The following FSIP2 variants were observed in gnomAD, a reference collection of about 807,000 sequenced individuals.
The protein encoded by FSIP2 is fibrous sheath interacting protein 2, also known as fibrous sheath-interacting protein 2.
FSIP2 carries 367 observed loss-of-function variants against 510.5 expected under a neutral mutation model. The observed-to-expected ratio is 0.72, with a 90% CI of 0.66 to 0.78. The LOEUF is 0.78. Among genes scored for constraint, FSIP2 ranks in the 30% least tolerant of loss-of-function variants. FSIP2 has a pLI of 0.00. For missense variants in FSIP2, 7,594 were observed against 7,901.7 expected, an observed-to-expected ratio of 0.96 and a Z score of 1.48; for synonymous variants, 2,601 against 2,732.2, an observed-to-expected ratio of 0.95 and a Z score of 1.50.
At position 185,801,232 on chromosome 2, in the gene FSIP2, T is replaced by A; in HGVS notation, c.11926T>A (p.Leu3976Met). 1 of 1,534,260 alleles carries A rather than the reference T, an allele frequency of 6.5e-7. No individual in the cohort carries two copies. The highest frequency in any genetic ancestry group is 8.7e-7 in the Non-Finnish European group (1 of 1,145,582). Residue 3976 changes from leucine (L) to methionine (M), a missense_variant, in exon 17 of 23, where the codon TTG becomes ATG. Physicochemically the swap from Leu to Met is conservative, Grantham distance 15 (BLOSUM62 2). Coordinates refer to ENST00000424728, the MANE Select transcript of FSIP2 (RefSeq NM_173651.4). ...IYAGVYSATF[L>M]EGIISELFFN... ...TGCTGGTGTTTATTCAGCCACATTT[T>A]TGGAAGGAATAATTTCAGAATTGTT...
Position 185,818,743 on chromosome 2 carries a change from C to T in FSIP2, c.20426+3272C>T, listed in dbSNP as rs193181085. On this transcript the variant is annotated intron_variant, in intron 19 of 22. Transcript: ENST00000424728. The stretch of plus-strand genomic sequence containing the variant: ...CAAAAAATGTTCTTCAAAAATGAGG[C>T]GAAATTAAGACATTCCAAGACAAGG... 7.9e-3 allele frequency among the ~76,000 whole-genome samples: 1,203 copies of T among 151,674 alleles called. 8 individuals carry two copies. The highest frequency in any genetic ancestry group is 0.012 in the Non-Finnish European group (820 of 67,794).
In FSIP2 at chr2:185,808,204, C is replaced by T. The variant is rs886287312; in HGVS notation, c.18898C>T (p.Pro6300Ser). Residue 6300 changes from proline (P) to serine (S), a missense_variant, in exon 17 of 23, where the codon CCT (proline) becomes TCT (serine). By Grantham distance (74) the Pro-to-Ser change is moderately conservative. Transcript: ENST00000424728. ...VNAISNSEFQ[P>S]QVEEEVSNSE... is the part of the protein sequence containing the mutation. ...TGCAATTTCGAATTCTGAATTTCAA[C>T]CTCAAGTAGAGGAAGAAGTATCAAA... 9 of 1,611,332 alleles carry T rather than the reference C, an allele frequency of 5.6e-6. No homozygotes were observed. In the African/African-American group the frequency reaches 6.7e-5, roughly 12 times the overall value.
In FSIP2 at chr2:185,795,905, G is replaced by C; in HGVS notation, c.8769G>C (p.Met2923Ile). 2 of 1,533,702 alleles carry C rather than the reference G, an allele frequency of 1.3e-6. No individual in the cohort carries two copies. The highest frequency in any genetic ancestry group is 1.7e-6 in the Non-Finnish European group (2 of 1,145,600). Residue 2923 changes from methionine (M) to isoleucine (I), a missense_variant, in exon 16 of 23, where the codon ATG (methionine) becomes ATC (isoleucine). Physicochemically the swap from Met to Ile is conservative, Grantham distance 10. Transcript: ENST00000424728. ...TGTTTGGAAGGGAAATTGTTGAAAT[G>C]CTACTTGAAAAACTACAGCTATGCT... Reference protein sequence around the residue: ...INMFGREIVEMLLEKLQLCFL... With the variant: ...INMFGREIVEILLEKLQLCFL...
chr2:185,803,433 T>C lies in FSIP2; in HGVS notation c.14127T>C (p.Tyr4709=), dbSNP rs1361293221. Residue 4709 remains tyrosine, a synonymous_variant, in exon 17 of 23, where the codon TAT becomes TAC. Coordinates refer to ENST00000424728, the MANE Select transcript of FSIP2 (RefSeq NM_173651.4). The stretch of plus-strand genomic sequence containing the variant: ...TGTACAGCAAAGTTTTGCAAGAATA[T>C]GAAATGGAAGTCGTGCCCAATAAAG... ...DMVYSKVLQE[Y]EMEVVPNKDF... is the part of the protein sequence containing the mutation. The C allele has an allele frequency of 6.5e-7, 1 of 1,530,920 alleles. No individual in the cohort carries two copies. Among genetic ancestry groups the C allele is most frequent in the African/African-American group, 1.4e-5 (1 of 72,684 alleles). 94.8% of individuals were successfully genotyped at this position (1,530,920 alleles called of 1,614,324 possible).
At chr2:185,738,676 T>G (rs1691837485), upstream of FSIP2, 2 of 1,536,080 alleles carry the variant, frequency 1.3e-6, no homozygotes, top group Non-Finnish European at 1.7e-6. Flanking sequence ...CGGACCGATT[T>G]TCCCAGCTCT....
chr2:185,810,537 CTTTTTTTTTT>C lies in FSIP2; in HGVS notation c.19827+1421_19827+1430del, dbSNP rs11298474. On this transcript the variant is annotated intron_variant, in intron 17 of 22. Coordinates refer to ENST00000424728, the MANE Select transcript of FSIP2 (RefSeq NM_173651.4). ...GCAGAACCATGAGCCAGTTAAACCT[CTTTTTTTTTT>C]TTTTTTTTTTTTTTTTATAAATTAC... Among the ~76,000 whole-genome samples the C allele has an allele frequency of 1.5e-3, 164 of 107,028 alleles. No individual in the cohort carries two copies. The South Asian group carries it at 0.027, about 17-fold the overall frequency. The allele number at this position is 107,028 out of a possible 152,430, so 70.2% of individuals were successfully genotyped here. A position where few individuals can be genotyped will look rare whatever the true frequency, so the allele number is the denominator to read the frequency against.
At chr2:185,781,058 G>T (rs67357803) in intron 13 of FSIP2, among the ~76,000 whole-genome samples, 14,643 of 110,262 alleles carry the variant, frequency 0.13, 763 homozygotes, top group Middle Eastern at 0.16. Context: ...TCTGTGGCAT[G>T]ATTTTTTTTT....
chr2:185,763,147 G>C, intron 11 of FSIP2, 36 bp from the exon 12 acceptor site: 1 of 899,714 alleles, frequency 1.1e-6, no homozygotes, highest in Non-Finnish European at 1.8e-6. Flanking sequence ...AGCAATATCA[G>C]CTTCTCATAT....
chr2:185,819,152 G>T (rs538489999), intron 19 of FSIP2, among the ~76,000 whole-genome samples: 2 of 151,760 alleles, frequency 1.3e-5, no homozygotes, highest in African/African-American at 2.4e-5. Flanking sequence ...AAAAATTAGA[G>T]TCACATAATC....
intron 19 of FSIP2, among the ~76,000 whole-genome samples, chr2:185,822,558 A>G (rs1693942977): frequency 6.6e-6 from 1 of 151,970 alleles, no homozygotes; most frequent in African/African-American, 2.4e-5. Flanking sequence ...AAGAAATTAA[A>G]GAGAATGCAA....
rs116833933 is a variant in FSIP2, at chr2:185,751,439, C to T, written c.871-2283C>T. Among the ~76,000 whole-genome samples, 878 of 143,048 alleles carry T rather than the reference C, an allele frequency of 6.1e-3. 7 individuals are homozygous for T. The highest frequency in any genetic ancestry group is 0.022 in the African/African-American group (835 of 38,602). 93.8% of individuals were successfully genotyped at this position (143,048 alleles called of 152,430 possible). ...ATTTTCTTGTGTTTTACTTTTAAGA[C>T]CAAATTTGGGTCTTTATTTTTCTGT... On this transcript the variant is annotated intron_variant, in intron 7 of 22. Transcript: ENST00000424728.
Position 185,804,646 on chromosome 2 carries a change from C to T in FSIP2, c.15340C>T (p.Pro5114Ser). Residue 5114 changes from proline to serine, a missense_variant, in exon 17 of 23, where the codon CCT becomes TCT. By Grantham distance (74) the Pro-to-Ser change is moderately conservative. Transcript: ENST00000424728. ...CTTGCCACCATATATTACTGTGTTG[C>T]CTCATTCTCTTTTAGAAGATATGGT... ...HALPPYITVL[P>S]HSLLEDMVYR... 6.5e-7 allele frequency: 1 copy of T among 1,533,034 alleles called. No individual in the cohort carries two copies. Among genetic ancestry groups the T allele is most frequent in the Non-Finnish European group, 8.7e-7 (1 of 1,144,784 alleles). The allele number at this position is 1,533,034 out of a possible 1,614,324, so 95.0% of individuals were successfully genotyped here.
intron 13 of FSIP2, 46 bp downstream of exon 13, chr2:185,764,611 T>C (rs1692425871): frequency 1.6e-6 from 2 of 1,252,932 alleles, no homozygotes; most frequent in Admixed American, 4.1e-5. Context: ...ATTCTATTTA[T>C]TCTTTCAACT....
At position 185,761,956 on chromosome 2, in the gene FSIP2, A is replaced by G. The variant is rs1292388660; in HGVS notation, c.1195-16A>G. 13 of 1,427,930 alleles carry G rather than the reference A, an allele frequency of 9.1e-6. No homozygotes were observed. Among genetic ancestry groups the G allele is most frequent in the Non-Finnish European group, 1.1e-5 (12 of 1,057,356 alleles). 88.5% of individuals were successfully genotyped at this position (1,427,930 alleles called of 1,614,324 possible). A position where few individuals can be genotyped will look rare whatever the true frequency, so the allele number is the denominator to read the frequency against. ...TTACTAATGTAATTTTTTCTCTTCA[A>G]TGTGGTACCATGTAGAGAGATGGGA... On this transcript the variant is annotated splice_polypyrimidine_tract_variant and intron_variant, in intron 10 of 22. Coordinates refer to ENST00000424728, the MANE Select transcript of FSIP2 (RefSeq NM_173651.4).
chr2:185,829,795 G>T (rs1266683511), intron 21 of FSIP2, among the ~76,000 whole-genome samples: 1 of 151,910 alleles, frequency 6.6e-6, no homozygotes, highest in Admixed American at 6.6e-5. Flanking sequence ...ACATAAACTA[G>T]AAACAGCACA....
Position 185,790,744 on chromosome 2 carries a change from A to G in FSIP2, c.3608A>G (p.His1203Arg). 6.5e-7 allele frequency: 1 copy of G among 1,532,782 alleles called. No homozygotes were observed. Among genetic ancestry groups the G allele is most frequent in the South Asian group, 1.2e-5 (1 of 83,910 alleles). The allele number at this position is 1,532,782 out of a possible 1,614,324, so 94.9% of individuals were successfully genotyped here. ...TCATCAGTTCATCAGATTTCCTTAC[A>G]TAATTCTGACACTGAACACATAGTC... ...ISSSVHQISL[H>R]NSDTEHIVKE... The change falls in exon 16 of 23, where the codon CAT becomes CGT. Residue 1203 changes from histidine (H) to arginine (R), a missense_variant. Coordinates refer to ENST00000424728, the MANE Select transcript of FSIP2 (RefSeq NM_173651.4).
In FSIP2 at chr2:185,796,931, T is replaced by G. The variant is rs759521543; in HGVS notation, c.9795T>G (p.Pro3265=). The G allele has an allele frequency of 1.3e-6, 2 of 1,534,916 alleles. No homozygotes were observed. Among genetic ancestry groups the G allele is most frequent in the Non-Finnish European group, 1.7e-6 (2 of 1,146,208 alleles). ...CCATGAAAGGAAATAGCTACCTCCC[T>G]GAAGGCAGTTTCTTACAAAAGCTGC... is the stretch of plus-strand genomic sequence containing the variant. ...DQTMKGNSYL[P]EGSFLQKLLR... The change falls in exon 16 of 23, where the codon CCT becomes CCG. Residue 3265 remains proline (P), a synonymous_variant. Transcript: ENST00000424728.
chr2:185,801,920 A>G lies in FSIP2; in HGVS notation c.12614A>G (p.Tyr4205Cys). The part of the protein sequence containing the change: ...WFTIYDNQYL[Y>C]TGKNLQKMVD... ...ACTATATATGATAATCAATATCTAT[A>G]TACTGGAAAAAACCTCCAAAAGATG... is the stretch of plus-strand genomic sequence containing the variant. Residue 4205 changes from tyrosine to cysteine, a missense_variant, in exon 17 of 23, where the codon TAT becomes TGT. Physicochemically the swap from Tyr to Cys is radical, Grantham distance 194. Coordinates refer to ENST00000424728, the MANE Select transcript of FSIP2 (RefSeq NM_173651.4). 1 of 1,511,510 alleles carries G rather than the reference A, an allele frequency of 6.6e-7. No homozygotes were observed. Among genetic ancestry groups the G allele is most frequent in the East Asian group, 2.5e-5 (1 of 40,718 alleles). The allele number at this position is 1,511,510 out of a possible 1,614,324, so 93.6% of individuals were successfully genotyped here.
chr2:185,831,907 C>T (rs769509130), intron 22 of FSIP2, 25 bp downstream of exon 22: 8 of 1,400,178 alleles, frequency 5.7e-6, no homozygotes, highest in Non-Finnish European at 8.1e-6. Flanking sequence ...ATTTTAACAA[C>T]TGGTGTAATT....
Sources: gnomAD v4.1 joint callset for allele counts (sites outside exome capture counted in the v4.1 genomes callset) on GRCh38, gnomAD v4.1.1 for gene constraint, MANE v1.5 for transcripts, NCBI Gene and HGNC (gene_info 2026-07-23, HGNC 2026-07-21) for gene names.